The following VIL1 variants were observed in gnomAD, a reference collection of about 807,000 sequenced individuals.
VIL1 encodes the protein villin 1.
VIL1 carries 86 observed loss-of-function variants against 104.0 expected under a neutral mutation model. The ratio of observed to expected loss-of-function variants is 0.83; its 90% confidence interval spans 0.69 to 0.99. The LOEUF (loss-of-function observed/expected upper bound fraction) is 0.99. Among genes scored for constraint, VIL1 ranks in the 50% least tolerant of loss-of-function variants. The probability of loss-of-function intolerance (pLI) is 0.00; values close to 1 mark genes in which losing one functional copy is unlikely to be tolerated. For missense variants in VIL1, 944 were observed against 1,054.1 expected, an observed-to-expected ratio of 0.90 and a Z score of 1.45; for synonymous variants, 394 against 412.6, an observed-to-expected ratio of 0.95 and a Z score of 0.55.
chr2:218,449,877 C>T lies in VIL1; in HGVS notation c.*541C>T, dbSNP rs1055003335. 3 of 155,094 alleles carry T rather than the reference C, an allele frequency of 1.9e-5. No individual in the cohort carries two copies. The highest frequency in any genetic ancestry group is 7.2e-5 in the African/African-American group (3 of 41,452). 9.6% of individuals were successfully genotyped at this position (155,094 alleles called of 1,614,324 possible). ...GAGGTTTCACAAATTCCAAACAGTA[C>T]CAGTGAGAGCAGCACTTCCACTGGG... On this transcript the variant is annotated 3_prime_UTR_variant, in exon 20 of 20. Coordinates refer to ENST00000248444, the MANE Select transcript of VIL1 (RefSeq NM_007127.3).
chr2:218,429,714 G>A (rs1165247440), intron 8 of VIL1, 39 bp downstream of exon 8: 1 of 1,612,338 alleles, frequency 6.2e-7, no homozygotes, highest in Non-Finnish European at 8.5e-7. Context: ...ACTGCAGCCT[G>A]GCCCCCTTTC....
intron 1 of VIL1, among the ~76,000 whole-genome samples, chr2:218,422,733 G>A (rs1688919269): frequency 6.6e-6 from 1 of 152,224 alleles, no homozygotes; most frequent in Non-Finnish European, 1.5e-5. Context: ...TGACCTGTCG[G>A]CCACATGCCC....
At chr2:218,431,170 C>A in intron 10 of VIL1, 1 of 521,812 alleles carries the variant, frequency 1.9e-6, no homozygotes, top group Non-Finnish European at 3.4e-6. Context: ...CATGGTGAAA[C>A]CCCGTCTCTA....
intron 12 of VIL1, chr2:218,432,469 T>G (rs1246309832): frequency 1.4e-6 from 1 of 690,294 alleles, no homozygotes; most frequent in Non-Finnish European, 2.6e-6. Context: ...GCAGGGAGTG[T>G]GTCTAGGACT....
chr2:218,436,715 A>T (rs908945053), intron 16 of VIL1, 89 bp downstream of exon 16: 7 of 1,479,044 alleles, frequency 4.7e-6, no homozygotes, highest in Non-Finnish European at 4.6e-6. Flanking sequence ...GTAAGTGTCA[A>T]TGTTTTCTTG....
rs764792074 is a variant in VIL1, at chr2:218,425,641, CTA to C, written c.179_180del (p.Tyr60Ter). On this transcript the variant is annotated frameshift_variant, in exon 4 of 20. Transcript: ENST00000248444. LOFTEE classifies it high-confidence loss of function. The part of the protein sequence containing the change: ...AIHKTASSLS[Y>X]DIHYWIGQDS... ...TCCACAAGACAGCCAGCAGCCTGTC[CTA>C]TGACATCCACTACTGGATTGGCCAG... 2 of 1,614,208 alleles carry C rather than the reference CTA, an allele frequency of 1.2e-6. No individual in the cohort carries two copies. Among genetic ancestry groups the C allele is most frequent in the Non-Finnish European group, 1.7e-6 (2 of 1,180,046 alleles).
At position 218,440,764 on chromosome 2, in the gene VIL1, A is replaced by G. The variant is rs1689272125; in HGVS notation, c.2272A>G (p.Asn758Asp). Reference protein sequence around the residue: ...PKVDVFNANSNLSSGPLPIFP... With the variant: ...PKVDVFNANSDLSSGPLPIFP... ...AGTGGACGTGTTCAATGCTAACAGC[A>G]ACCTCAGTTCTGGGCCTCTGCCCAT... Residue 758 changes from asparagine to aspartate, a missense_variant, in exon 19 of 20, where the codon AAC becomes GAC. By Grantham distance (23) the Asn-to-Asp change is conservative. Transcript: ENST00000248444. 1 of 1,614,072 alleles carries G rather than the reference A, an allele frequency of 6.2e-7. No homozygotes were observed. Among genetic ancestry groups the G allele is most frequent in the Admixed American group, 1.7e-5 (1 of 60,002 alleles).
At chr2:218,421,235 G>A (rs1688895454) in intron 1 of VIL1, among the ~76,000 whole-genome samples, 1 of 152,074 alleles carries the variant, frequency 6.6e-6, no homozygotes, top group East Asian at 1.9e-4. Context: ...AGAGGGCAGA[G>A]TGCCAGCAGA....
At chr2:218,423,949 C>G in intron 2 of VIL1, 96 bp downstream of exon 2, 1 of 1,420,270 alleles carries the variant, frequency 7.0e-7, no homozygotes, top group South Asian at 1.2e-5. Context: ...GTTTCCTCTG[C>G]TCCTGCCCTG....
At chr2:218,424,452 C>T in intron 3 of VIL1, 101 bp downstream of exon 3, 1 of 1,245,786 alleles carries the variant, frequency 8.0e-7, no homozygotes, top group Non-Finnish European at 1.2e-6. Context: ...GGCCTGGCTT[C>T]ACCCCAAGAC....
rs1296839491 is a variant in VIL1 at position 218,436,481 on chromosome 2, G to A, written c.1827-1G>A. 6.2e-7 allele frequency: 1 copy of A among 1,613,492 alleles called. No homozygotes were observed. Among genetic ancestry groups the A allele is most frequent in the Non-Finnish European group, 8.5e-7 (1 of 1,179,714 alleles). On this transcript the variant is annotated splice_acceptor_variant, in intron 15 of 19. Coordinates refer to ENST00000248444, the MANE Select transcript of VIL1 (RefSeq NM_007127.3). LOFTEE classifies it high-confidence loss of function. ...AGTACAATCTTCTCTCCATCCTGCA[G>A]ACTACAGGAAGAAAACCTGGTCATC...
intron 19 of VIL1, among the ~76,000 whole-genome samples, chr2:218,447,479 G>A (rs1027041433): frequency 2.0e-5 from 3 of 151,934 alleles, no homozygotes; most frequent in Non-Finnish European, 2.9e-5. Flanking sequence ...CACCATGCCT[G>A]GCTAACTTTT....
At chr2:218,425,925 A>C in intron 4 of VIL1, 114 bp downstream of exon 4, 3 of 1,154,906 alleles carry the variant, frequency 2.6e-6, no homozygotes, top group Non-Finnish European at 3.5e-6. Flanking sequence ...TGGGAAGAAC[A>C]CTTGGAGCAG....
chr2:218,431,964 G>A lies in VIL1; in HGVS notation c.1203+7G>A. 1 of 1,614,076 alleles carries A rather than the reference G, an allele frequency of 6.2e-7. No homozygotes were observed. The highest frequency in any genetic ancestry group is 8.5e-7 in the Non-Finnish European group (1 of 1,180,032). On this transcript the variant is annotated splice_region_variant and intron_variant, in intron 11 of 19. Transcript: ENST00000248444. ...TGGGAGTGGGGAAGTGCAGGTATGT[G>A]AGGGCAGAGAGGCCCGTGCTGGGTG...
chr2:218,441,107 G>A (rs1483037397), intron 19 of VIL1, among the ~76,000 whole-genome samples: 1 of 152,216 alleles, frequency 6.6e-6, no homozygotes, highest in Non-Finnish European at 1.5e-5. Flanking sequence ...TTACAAACAG[G>A]GCCGGGTGCA....
In VIL1 at chr2:218,429,455, G is replaced by T. The variant is rs1372933270; in HGVS notation, c.738G>T (p.Glu246Asp). The change falls in exon 7 of 20, where the codon GAG becomes GAT. Residue 246 changes from glutamate to aspartate, a missense_variant. Physicochemically the swap from Glu to Asp is conservative, Grantham distance 45. Coordinates refer to ENST00000248444, the MANE Select transcript of VIL1 (RefSeq NM_007127.3). ...LKAAVPDTVV[E>D]PALKAALKLY... ...CGGCCGTGCCCGACACGGTGGTGGA[G>T]CCGGCACTCAAGGCTGCACTCAAAC... is the stretch of plus-strand genomic sequence containing the variant. 2 of 1,613,892 alleles carry T rather than the reference G, an allele frequency of 1.2e-6. No homozygotes were observed. The highest frequency in any genetic ancestry group is 4.5e-5 in the East Asian group (2 of 44,892).
intron 3 of VIL1, 102 bp from the exon 4 acceptor site, chr2:218,425,513 G>T (rs1168953995): frequency 1.6e-6 from 2 of 1,228,498 alleles, no homozygotes; most frequent in Non-Finnish European, 2.3e-6. Context: ...CCTGTGCCAC[G>T]CTCCCCCATA....
At chr2:218,438,360 G>C (rs1448768415) in intron 17 of VIL1, among the ~76,000 whole-genome samples, 1 of 152,184 alleles carries the variant, frequency 6.6e-6, no homozygotes, top group East Asian at 1.9e-4. Context: ...TACTGCCTGT[G>C]GGTTCTTGCC....
chr2:218,438,517 C>T (rs1689232134), intron 17 of VIL1, 141 bp from the exon 18 acceptor site: 2 of 734,216 alleles, frequency 2.7e-6, no homozygotes, highest in Non-Finnish European at 4.5e-6. Flanking sequence ...GACCCTCCTC[C>T]AGCCTCAGCC....
Sources: allele counts gnomAD v4.1 joint callset (sites outside exome capture counted in the v4.1 genomes callset), GRCh38; gene constraint gnomAD v4.1.1; transcripts MANE v1.5; gene names NCBI Gene and HGNC (gene_info 2026-07-23, HGNC 2026-07-21).